The following MLKL variants were observed in gnomAD, a reference collection of about 807,000 sequenced individuals.
MLKL encodes mixed lineage kinase domain-like protein.
In MLKL, 55 loss-of-function variants were observed where a neutral mutation model predicts 56.5. The ratio of observed to expected loss-of-function variants is 0.97; its 90% CI spans 0.78 to 1.22. The LOEUF is 1.22. MLKL is among the 50% of genes most tolerant of loss of function. The pLI is 0.00. For missense variants in MLKL, 694 were observed against 573.9 expected (o/e 1.21, Z -2.14); for synonymous variants, 251 against 208.3 (o/e 1.20, Z -1.76).
At position 74,692,416 on chromosome 16, in the gene MLKL, T is replaced by C. The variant is rs1197074163; in HGVS notation, c.461A>G (p.Asp154Gly). 3.1e-6 allele frequency: 5 copies of C among 1,610,944 alleles called. No individual in the cohort carries two copies. Among genetic ancestry groups the C allele is most frequent in the Non-Finnish European group, 4.2e-6 (5 of 1,179,058 alleles). The change falls in exon 3 of 11, where the codon GAT becomes GGT. Residue 154 changes from aspartate to glycine, a missense_variant and splice_region_variant. Physicochemically the swap from Asp to Gly is moderately conservative, Grantham distance 94. Transcript: ENST00000308807. Reference sequence around the variant, plus strand: ...CAGTGAAGCTTCTATTTTTTCATTATCTGCAGGAAAAAAGGGCAGTATATG... The same window carrying C: ...CAGTGAAGCTTCTATTTTTTCATTACCTGCAGGAAAAAAGGGCAGTATATG... Reference protein sequence around the residue: ...DRRAFQMLRRDNEKIEASLRR... With the variant: ...DRRAFQMLRRGNEKIEASLRR...
intron 2 of MLKL, among the ~76,000 whole-genome samples, chr16:74,694,973 C>T (rs955607634): frequency 3.9e-5 from 6 of 152,050 alleles, no homozygotes; most frequent in African/African-American, 1.4e-4. Context: ...CCCGGGTTCA[C>T]GCTGTTCTCC....
chr16:74,699,509 C>A (rs529068808), intron 1 of MLKL, among the ~76,000 whole-genome samples: 1 of 152,268 alleles, frequency 6.6e-6, no homozygotes, highest in South Asian at 2.1e-4. Context: ...AGGGAATATA[C>A]ATATATACAC....
rs776889649 is a variant in MLKL, at chr16:74,675,816, G to A, written c.1039-52C>T. ...AACAAGCAAGATCTTGGGTAGAGGA[G>A]TAAAGGGCAGGGATTGTTGCTACAC... On this transcript the variant is annotated intron_variant, in intron 7 of 10. Transcript: ENST00000308807. The A allele has an allele frequency of 1.3e-5, 20 of 1,581,214 alleles. No homozygotes were observed. In the South Asian group the frequency reaches 2.0e-4, roughly 16 times the overall value.
chr16:74,695,794 A>G, intron 1 of MLKL, 35 bp from the exon 2 acceptor site: 1 of 1,532,046 alleles, frequency 6.5e-7, no homozygotes, highest in Non-Finnish European at 8.8e-7. Flanking sequence ...TGAAATCCCC[A>G]AATCTCCTGC....
Position 74,678,883 on chromosome 16 carries a change from C to A in MLKL, c.1038+16G>T, listed in dbSNP as rs774979569. 2.5e-6 allele frequency: 4 copies of A among 1,612,844 alleles called. No homozygotes were observed. Among genetic ancestry groups the A allele is most frequent in the Non-Finnish European group, 3.4e-6 (4 of 1,178,910 alleles). On this transcript the variant is annotated intron_variant, in intron 7 of 10. Transcript: ENST00000308807. ...ATGCAGGTTTGACCCAAAGCGCCCCCGCAAGGCACACTCACCTTCACTTGG... is the reference window on the plus strand; with the variant it reads ...ATGCAGGTTTGACCCAAAGCGCCCCAGCAAGGCACACTCACCTTCACTTGG...
chr16:74,687,282 T>G (rs1438279524), intron 4 of MLKL, among the ~76,000 whole-genome samples: 1 of 152,070 alleles, frequency 6.6e-6, no homozygotes, highest in African/African-American at 2.4e-5. Context: ...AGCAAGAAAT[T>G]TTAAAAGATC....
At chr16:74,682,959 T>C (rs962486298) in intron 5 of MLKL, among the ~76,000 whole-genome samples, 173 bp from the exon 6 acceptor site, 1 of 151,940 alleles carries the variant, frequency 6.6e-6, no homozygotes, top group African/African-American at 2.4e-5. Flanking sequence ...ATGGACCAAA[T>C]ATGCCCAGAA....
intron 1 of MLKL, among the ~76,000 whole-genome samples, chr16:74,699,478 A>G (rs1205564656): frequency 1.3e-5 from 2 of 152,236 alleles, no homozygotes; most frequent in African/African-American, 2.4e-5. Flanking sequence ...CTTATTAAGT[A>G]TATGATCTAC....
At chr16:74,682,888 C>T in intron 5 of MLKL, 102 bp from the exon 6 acceptor site, 1 of 1,363,192 alleles carries the variant, frequency 7.3e-7, no homozygotes, top group South Asian at 1.4e-5. Context: ...AGACTTGGCT[C>T]TGCTGAGTCC....
At position 74,672,035 on chromosome 16, in the gene MLKL, C is replaced by A. The variant is rs1215273953; in HGVS notation, c.*469G>T. Reference sequence around the variant, plus strand: ...CATGTTTCTGCTTCATGTGGTCTCTCATTCTCCAGCATGCTCACTCAACAT... The same window carrying A: ...CATGTTTCTGCTTCATGTGGTCTCTAATTCTCCAGCATGCTCACTCAACAT... On this transcript the variant is annotated 3_prime_UTR_variant, in exon 11 of 11. Coordinates refer to ENST00000308807, the MANE Select transcript of MLKL (RefSeq NM_152649.4). The A allele has an allele frequency of 6.5e-6, 1 of 153,340 alleles. No individual in the cohort carries two copies. Among genetic ancestry groups the A allele is most frequent in the South Asian group, 2.0e-4 (1 of 4,892 alleles). The allele number at this position is 153,340 out of a possible 1,614,324, so 9.5% of individuals were successfully genotyped here. A position where few individuals can be genotyped will look rare whatever the true frequency, so the allele number is the denominator to read the frequency against.
rs1961321104 is a variant in MLKL at position 74,700,480 on chromosome 16, C to G, written c.-30G>C. On this transcript the variant is annotated 5_prime_UTR_variant, in exon 1 of 11. Coordinates refer to ENST00000308807, the MANE Select transcript of MLKL (RefSeq NM_152649.4). ...TCGCGCCTCCCGAGGGGTGTGCGTC[C>G]AATCTGTCCCGTGCACAGTTCCAAA... The G allele has an allele frequency of 6.6e-6, 1 of 152,370 alleles. No individual in the cohort carries two copies. The highest frequency in any genetic ancestry group is 6.5e-5 in the Admixed American group (1 of 15,290). The allele number at this position is 152,370 out of a possible 1,614,324, so 9.4% of individuals were successfully genotyped here. A position where few individuals can be genotyped will look rare whatever the true frequency, so the allele number is the denominator to read the frequency against.
At chr16:74,691,069 T>C (rs1011669388) in intron 4 of MLKL, among the ~76,000 whole-genome samples, 3 of 151,110 alleles carry the variant, frequency 2.0e-5, no homozygotes, top group African/African-American at 2.4e-5. Context: ...TTTTTTTAAA[T>C]ATATATGTGG....
rs559661694 is a variant in MLKL, at chr16:74,683,003, C to T, written c.821-217G>A. The stretch of plus-strand genomic sequence containing the variant: ...CTCTTCTCCATAATACTTGGCTTGT[C>T]GTAATTCTACCTTAAAAAAAAAATT... On this transcript the variant is annotated intron_variant, in intron 5 of 10. Coordinates refer to ENST00000308807, the MANE Select transcript of MLKL (RefSeq NM_152649.4). Among the ~76,000 whole-genome samples the T allele has an allele frequency of 2.6e-5, 4 of 151,944 alleles. No individual in the cohort carries two copies. The East Asian group carries it at 5.8e-4, about 22-fold the overall frequency.
chr16:74,691,616 A>G (rs1265317346), intron 3 of MLKL, 153 bp from the exon 4 acceptor site: 1 of 793,022 alleles, frequency 1.3e-6, no homozygotes, highest in Non-Finnish European at 2.0e-6. Flanking sequence ...GACTCAGCCC[A>G]AGGGAGCGGC....
chr16:74,687,015 C>T (rs184738347), intron 4 of MLKL, among the ~76,000 whole-genome samples: 1 of 152,242 alleles, frequency 6.6e-6, no homozygotes, highest in East Asian at 1.9e-4. Context: ...TCACTTTTGT[C>T]GCCCAGGCTG....
chr16:74,682,535 T>A, intron 6 of MLKL, 116 bp downstream of exon 6: 1 of 1,379,712 alleles, frequency 7.2e-7, no homozygotes, highest in Non-Finnish European at 9.9e-7. Context: ...AGTAAAACAG[T>A]GTATGGGAGG....
intron 2 of MLKL, among the ~76,000 whole-genome samples, chr16:74,694,173 A>T (rs373277481): frequency 2.6e-5 from 4 of 152,212 alleles, no homozygotes; most frequent in Non-Finnish European, 5.9e-5. Flanking sequence ...AATAAAATAT[A>T]TATACTTAAA....
chr16:74,685,580 T>A lies in MLKL; in HGVS notation c.726A>T (p.Ile242=). Residue 242 remains isoleucine, a synonymous_variant, in exon 5 of 11, where the codon ATA becomes ATT. Coordinates refer to ENST00000308807, the MANE Select transcript of MLKL (RefSeq NM_152649.4). Reference sequence around the variant, plus strand: ...TCTCCTTATTGAAAGTCTGCCTCACTATTCTATAAGGATTAAAGAGAGAAA... The same window carrying A: ...TCTCCTTATTGAAAGTCTGCCTCACAATTCTATAAGGATTAAAGAGAGAAA... ...FKKLQAGSIA[I]VRQTFNKEIK... 6.2e-7 allele frequency: 1 copy of A among 1,610,506 alleles called. No homozygotes were observed. Among genetic ancestry groups the A allele is most frequent in the Non-Finnish European group, 8.5e-7 (1 of 1,176,762 alleles).
intron 7 of MLKL, chr16:74,676,031 T>A: frequency 2.2e-6 from 1 of 454,734 alleles, no homozygotes; most frequent in East Asian, 4.1e-5. Flanking sequence ...ATAATGGTTA[T>A]AAAGCACCAG....
Sources: allele counts gnomAD v4.1 joint callset (sites outside exome capture counted in the v4.1 genomes callset), GRCh38; gene constraint gnomAD v4.1.1; transcripts MANE v1.5; gene names NCBI Gene and HGNC (gene_info 2026-07-23, HGNC 2026-07-21).